SLC9A1: variants seen among roughly 807,000 people sequenced by gnomAD.
The protein encoded by SLC9A1 is sodium/hydrogen exchanger 1.
Under a neutral mutation model 67.9 loss-of-function variants are expected in SLC9A1, and 22 were observed. The ratio of observed to expected loss-of-function variants is 0.32; its 90% CI spans 0.23 to 0.46. SLC9A1 has a LOEUF of 0.46. Ranked by LOEUF, SLC9A1 falls within the 20% of genes least tolerant of loss-of-function variation. The probability of loss-of-function intolerance (pLI) is 1.00; values close to 1 mark genes in which losing one functional copy is unlikely to be tolerated. For missense variants in SLC9A1, 686 were observed against 1,094.8 expected, an observed-to-expected ratio of 0.63 and a Z score of 5.27; for synonymous variants, 421 against 471.8, an observed-to-expected ratio of 0.89 and a Z score of 1.40.
rs141209350 is a variant in SLC9A1 at position 27,113,941 on chromosome 1, A to C, written c.698T>G (p.Ile233Ser). 1 of 1,614,212 alleles carries C rather than the reference A, an allele frequency of 6.2e-7. No individual in the cohort carries two copies. The highest frequency in any genetic ancestry group is 8.5e-7 in the Non-Finnish European group (1 of 1,180,036). Residue 233 changes from isoleucine to serine, a missense_variant, in exon 2 of 12, where the codon ATC becomes AGC. Around this residue, in one of 7 missense-constraint regions of SLC9A1, gnomAD observed 49 missense variants for 73.1 expected, o/e 0.67. Coordinates refer to ENST00000263980, the MANE Select transcript of SLC9A1 (RefSeq NM_003047.5). ...CGCCACGGGGTCCACGGCCGAGATG[A>C]TGCTGCCGAAGAGCAGGTTGTCCAG... Reference protein sequence around the residue: ...GLLDNLLFGSIISAVDPVAVL... With the variant: ...GLLDNLLFGSSISAVDPVAVL...
Position 27,109,025 on chromosome 1 carries a change from GAA to G in SLC9A1, c.1064+500_1064+501del, listed in dbSNP as rs1288042869. ...CCCAGTTCTGCCTTGCTCGGCACTGGAACACCTTCACCCCTCACTGCCTCCCC... is the reference window on the plus strand; with the variant it reads ...CCCAGTTCTGCCTTGCTCGGCACTGGCACCTTCACCCCTCACTGCCTCCCC... On this transcript the variant is annotated intron_variant, in intron 3 of 11. Coordinates refer to ENST00000263980, the MANE Select transcript of SLC9A1 (RefSeq NM_003047.5). This position sits in a 1 kb window ranked among gnomAD's most constrained non-coding sequence, Gnocchi z 5.5. Among the ~76,000 whole-genome samples, 2 of 152,044 alleles carry G rather than the reference GAA, an allele frequency of 1.3e-5. No individual in the cohort carries two copies. The highest frequency in any genetic ancestry group is 4.8e-5 in the African/African-American group (2 of 41,410).
At position 27,114,369 on chromosome 1, in the gene SLC9A1, G is replaced by T; in HGVS notation, c.353-83C>A. On this transcript the variant is annotated intron_variant, in intron 1 of 11. Transcript: ENST00000263980. The surrounding 1 kb of genome is among the most constrained non-coding windows in gnomAD (Gnocchi z 5.4). Reference sequence around the variant, plus strand: ...AGGTTGGGGATGGGCCGGGGATGAGGAGCGCAGTTGGTGAGAGGTGCACAG... The same window carrying T: ...AGGTTGGGGATGGGCCGGGGATGAGTAGCGCAGTTGGTGAGAGGTGCACAG... 1 of 1,132,294 alleles carries T rather than the reference G, an allele frequency of 8.8e-7. No homozygotes were observed. Among genetic ancestry groups the T allele is most frequent in the Non-Finnish European group, 1.3e-6 (1 of 786,442 alleles). The allele number at this position is 1,132,294 out of a possible 1,614,324, so 70.1% of individuals were successfully genotyped here.
chr1:27,113,433 A>G (rs1002209868), intron 2 of SLC9A1, among the ~76,000 whole-genome samples: 5 of 152,158 alleles, frequency 3.3e-5, no homozygotes, highest in Admixed American at 6.5e-5. Context: ...ACCAGCCTAG[A>G]AGACAGGGCA....
At chr1:27,103,782 T>C (rs2083164633) in intron 5 of SLC9A1, 1 of 176,948 alleles carries the variant, frequency 5.7e-6, no homozygotes. Context: ...CTAGCATCAA[T>C]CAGCTCTCCA....
chr1:27,130,517 C>T (rs2083377647), intron 1 of SLC9A1, among the ~76,000 whole-genome samples: 2 of 152,146 alleles, frequency 1.3e-5, no homozygotes, highest in South Asian at 4.1e-4. Flanking sequence ...AAATGGAGCT[C>T]CACTGACAGC....
At chr1:27,125,247 T>TC (rs1219015690) in intron 1 of SLC9A1, among the ~76,000 whole-genome samples, 6 of 135,598 alleles carry the variant, frequency 4.4e-5, no homozygotes, top group South Asian at 2.5e-4. Context: ...CTTTTTTTTT[T>TC]TTTTTTTTTT....
intron 1 of SLC9A1, among the ~76,000 whole-genome samples, chr1:27,138,836 G>A (rs1167689169): frequency 1.3e-5 from 2 of 152,154 alleles, no homozygotes; most frequent in African/African-American, 4.8e-5. Context: ...GGAAGCATTT[G>A]AAAGGTTTTC....
intron 1 of SLC9A1, among the ~76,000 whole-genome samples, chr1:27,136,972 T>C (rs977739039): frequency 6.6e-6 from 1 of 152,224 alleles, no homozygotes; most frequent in African/African-American, 2.4e-5. Flanking sequence ...TCTTGATCTG[T>C]TCTAACTTAG....
chr1:27,129,256 CT>C lies in SLC9A1; in HGVS notation c.353-14971del, dbSNP rs1191690848. Among the ~76,000 whole-genome samples the C allele has an allele frequency of 2.0e-5, 3 of 152,322 alleles. No individual in the cohort carries two copies. In the East Asian group the frequency reaches 5.8e-4, roughly 29 times the overall value. Reference sequence around the variant, plus strand: ...GGGTCCCCTAAGGGTCTCCCATACACTTCTGATAACGATCCAGCTGGCTGGG... The same window carrying C: ...GGGTCCCCTAAGGGTCTCCCATACACTCTGATAACGATCCAGCTGGCTGGG... On this transcript the variant is annotated intron_variant, in intron 1 of 11. Transcript: ENST00000263980.
chr1:27,109,726 C>T lies in SLC9A1; in HGVS notation c.865G>A (p.Val289Met), dbSNP rs774681092. ...EFANYEHVGI[V>M]DIFLGFLSFF... ...CTCAGGAAGCCGAGGAAGATGTCCACGATGCCCACGTGTTCGTAGTTGGCA... is the reference window on the plus strand; with the variant it reads ...CTCAGGAAGCCGAGGAAGATGTCCATGATGCCCACGTGTTCGTAGTTGGCA... The change falls in exon 3 of 12, where the codon GTG becomes ATG. Residue 289 changes from valine to methionine, a missense_variant. By Grantham distance (21) the Val-to-Met change is conservative. Transcript: ENST00000263980. This position sits in a 1 kb window ranked among gnomAD's most constrained non-coding sequence, Gnocchi z 5.5. 1.1e-5 allele frequency: 17 copies of T among 1,613,942 alleles called. No homozygotes were observed. Among genetic ancestry groups the T allele is most frequent in the South Asian group, 3.3e-5 (3 of 91,088 alleles).
chr1:27,112,105 G>A (rs982073905), intron 2 of SLC9A1, among the ~76,000 whole-genome samples: 2 of 152,200 alleles, frequency 1.3e-5, no homozygotes, highest in Non-Finnish European at 2.9e-5. Flanking sequence ...AGCCTGGGAG[G>A]ATGACAGGCT....
chr1:27,144,710 A>G (rs2124208557), intron 1 of SLC9A1, among the ~76,000 whole-genome samples: 1 of 152,354 alleles, frequency 6.6e-6, no homozygotes, highest in Admixed American at 6.5e-5. Flanking sequence ...TGCCAGGCAC[A>G]GATAAGAAAG....
intron 1 of SLC9A1, among the ~76,000 whole-genome samples, chr1:27,134,957 C>T (rs2083409829): frequency 6.6e-6 from 1 of 151,362 alleles, no homozygotes. Flanking sequence ...GGCTGGTCTC[C>T]AACTCCTGAC....
At chr1:27,151,938 GAA>G in intron 1 of SLC9A1, among the ~76,000 whole-genome samples, 1 of 152,312 alleles carries the variant, frequency 6.6e-6, no homozygotes, top group East Asian at 1.9e-4. Context: ...TTTACAATGG[GAA>G]AACTGAGGTC....
At chr1:27,147,025 A>G (rs1305387074) in intron 1 of SLC9A1, among the ~76,000 whole-genome samples, 1 of 151,996 alleles carries the variant, frequency 6.6e-6, no homozygotes, top group Non-Finnish European at 1.5e-5. Flanking sequence ...TAATATCAGG[A>G]CTTTGGGAGG....
chr1:27,148,959 T>C (rs2083507261), intron 1 of SLC9A1, among the ~76,000 whole-genome samples: 1 of 152,202 alleles, frequency 6.6e-6, no homozygotes, highest in South Asian at 2.1e-4. Context: ...TCTGGTCTGA[T>C]GGCTGAGAGG....
chr1:27,115,432 GA>G (rs34787321), intron 1 of SLC9A1, among the ~76,000 whole-genome samples: 51,947 of 151,808 alleles, frequency 0.34, 9,324 homozygotes, highest in Non-Finnish European at 0.38. Context: ...AAAGTAGGTG[GA>G]AAAAAATCTG....
rs533980728 is a variant in SLC9A1, at chr1:27,145,115, T to C, written c.352+8868A>G. On this transcript the variant is annotated intron_variant, in intron 1 of 11. Coordinates refer to ENST00000263980, the MANE Select transcript of SLC9A1 (RefSeq NM_003047.5). ...AGAAAGTGAACAAACAAAGTCCCTG[T>C]CCTCAAGAGGCTTACATTCTTATGG... Among the ~76,000 whole-genome samples the C allele has an allele frequency of 2.6e-5, 4 of 151,946 alleles. No homozygotes were observed. In the South Asian group the frequency reaches 8.3e-4, roughly 32 times the overall value.
intron 1 of SLC9A1, among the ~76,000 whole-genome samples, chr1:27,124,291 T>C (rs1028070949): frequency 4.6e-5 from 7 of 152,070 alleles, no homozygotes; most frequent in African/African-American, 1.7e-4. Context: ...GGGGGTACAG[T>C]AGAGCTTGCA....
Sources: allele counts gnomAD v4.1 joint callset (sites outside exome capture counted in the v4.1 genomes callset), GRCh38; gene constraint gnomAD v4.1.1; regional missense constraint gnomAD v4.1.1; non-coding constraint Gnocchi (gnomAD v3.1); transcripts MANE v1.5; gene names NCBI Gene and HGNC (gene_info 2026-07-23, HGNC 2026-07-21).